Variants in DNAH11 observed in about 807,000 individuals in gnomAD.
DNAH11 encodes axonemal beta dynein heavy chain 11.
Under a neutral mutation model 526.0 loss-of-function variants are expected in DNAH11, and 442 were observed. The ratio of observed to expected loss-of-function variants is 0.84; its 90% CI spans 0.78 to 0.91. The LOEUF (loss-of-function observed/expected upper bound fraction) is 0.91. Among genes scored for constraint, DNAH11 ranks in the 40% least tolerant of loss-of-function variants. The probability of loss-of-function intolerance (pLI) is 0.00; values close to 1 mark genes in which losing one functional copy is unlikely to be tolerated. For missense variants in DNAH11, 6,989 were observed against 5,448.7 expected, an observed-to-expected ratio of 1.28 and a Z score of -8.90; for synonymous variants, 2,461 against 1,935.9, an observed-to-expected ratio of 1.27 and a Z score of -7.12.
intron 30 of DNAH11, among the ~76,000 whole-genome samples, chr7:21,676,932 A>C (rs1782915451): frequency 6.6e-6 from 1 of 152,166 alleles, no homozygotes; most frequent in Non-Finnish European, 1.5e-5. Flanking sequence ...ATTGTACATT[A>C]ATTCATCTGT....
At chr7:21,876,558 G>C (rs1000985016) in intron 74 of DNAH11, among the ~76,000 whole-genome samples, 1 of 152,182 alleles carries the variant, frequency 6.6e-6, no homozygotes, top group African/African-American at 2.4e-5. Context: ...GCTTATACAA[G>C]GTCAAAAAGT....
intron 76 of DNAH11, among the ~76,000 whole-genome samples, chr7:21,889,402 T>G (rs920888856): frequency 1.4e-4 from 21 of 152,214 alleles, no homozygotes; most frequent in African/African-American, 5.1e-4. Flanking sequence ...TTCTTTCGGA[T>G]ATGTACCTTG....
rs1018931263 is a variant in DNAH11 at position 21,873,265 on chromosome 7, A to G, written c.11968-9A>G. 6 of 1,569,020 alleles carry G rather than the reference A, an allele frequency of 3.8e-6. No individual in the cohort carries two copies. Among genetic ancestry groups the G allele is most frequent in the Admixed American group, 1.9e-5 (1 of 53,210 alleles). ...CTTCACAGGAATTATGCACCATGCT[A>G]TCTTTCAGAATGTTCATTTGGTAGC... On this transcript the variant is annotated splice_polypyrimidine_tract_variant and intron_variant, in intron 73 of 81. Transcript: ENST00000409508.
In DNAH11 at chr7:21,720,801, T is replaced by G. The variant is rs771033325; in HGVS notation, c.7211T>G (p.Val2404Gly). 1.9e-6 allele frequency: 3 copies of G among 1,611,998 alleles called. No individual in the cohort carries two copies. Among genetic ancestry groups the G allele is most frequent in the Admixed American group, 3.3e-5 (2 of 59,744 alleles). The change falls in exon 44 of 82, where the codon GTC becomes GGC. Residue 2404 changes from valine to glycine, a missense_variant. Val to Gly is a moderately radical substitution (Grantham distance 109, BLOSUM62 -3). Coordinates refer to ENST00000409508, the MANE Select transcript of DNAH11 (RefSeq NM_001277115.2). Reference sequence around the variant, plus strand: ...GACAGCCCAAAAGAAGTTTATGAAGTCTATTTTGTATTTGCTTGTATCTGG... The same window carrying G: ...GACAGCCCAAAAGAAGTTTATGAAGGCTATTTTGTATTTGCTTGTATCTGG... ...PSDSPKEVYE[V>G]YFVFACIWAF...
intron 65 of DNAH11, among the ~76,000 whole-genome samples, chr7:21,818,907 C>G (rs531691946): frequency 1.5e-4 from 23 of 152,220 alleles, no homozygotes; most frequent in African/African-American, 4.6e-4. Flanking sequence ...CCTCCAGGAG[C>G]TATATGTGAC....
chr7:21,882,864 A>G (rs1783973433), intron 75 of DNAH11, among the ~76,000 whole-genome samples: 1 of 152,228 alleles, frequency 6.6e-6, no homozygotes, highest in Non-Finnish European at 1.5e-5. Flanking sequence ...AATTATTTAA[A>G]TAATTATTGA....
chr7:21,597,133 G>GA lies in DNAH11; in HGVS notation c.2668-2654_2668-2653insA, dbSNP rs1784890865. 2.6e-5 allele frequency among the ~76,000 whole-genome samples: 4 copies of GA among 151,836 alleles called. No homozygotes were observed. The South Asian group carries it at 6.2e-4, about 24-fold the overall frequency. ...GAGGAGCAGGACCATGGAATATTGG[G>GA]CCTGAGTGATCATTCAGTTATCTAA... is the stretch of plus-strand genomic sequence containing the variant. On this transcript the variant is annotated intron_variant, in intron 14 of 81. Coordinates refer to ENST00000409508, the MANE Select transcript of DNAH11 (RefSeq NM_001277115.2).
intron 40 of DNAH11, among the ~76,000 whole-genome samples, chr7:21,708,040 A>G (rs1784336703): frequency 6.6e-6 from 1 of 152,196 alleles, no homozygotes; most frequent in Non-Finnish European, 1.5e-5. Flanking sequence ...GCAGATTTGT[A>G]CTCAGAGCTG....
intron 6 of DNAH11, among the ~76,000 whole-genome samples, chr7:21,564,912 T>A (rs553203470): frequency 1.1e-4 from 16 of 152,012 alleles, no homozygotes; most frequent in African/African-American, 3.1e-4. Flanking sequence ...AAAAAAAAAA[T>A]TTAAAAAAAG....
At chr7:21,608,637 T>C (rs954993076) in intron 20 of DNAH11, among the ~76,000 whole-genome samples, 10 of 152,244 alleles carry the variant, frequency 6.6e-5, no homozygotes, top group Non-Finnish European at 1.2e-4. Context: ...GGTTAGAGTA[T>C]GCTAATATAC....
chr7:21,798,442 A>G (rs538093172), intron 61 of DNAH11, among the ~76,000 whole-genome samples: 51 of 152,332 alleles, frequency 3.3e-4, no homozygotes, highest in South Asian at 1.5e-3. Flanking sequence ...TTAACTATAC[A>G]GTATACCATG....
chr7:21,745,518 A>T (rs79218252), intron 51 of DNAH11, among the ~76,000 whole-genome samples: 1 of 152,198 alleles, frequency 6.6e-6, no homozygotes, highest in African/African-American at 2.4e-5. Context: ...ATGGCTGACA[A>T]GGTTCTCGCT....
intron 5 of DNAH11, 42 bp downstream of exon 5, chr7:21,561,212 T>G: frequency 7.0e-7 from 1 of 1,419,596 alleles, no homozygotes; most frequent in Non-Finnish European, 9.8e-7. Context: ...TATCACCATC[T>G]GCTCATGATC....
At chr7:21,790,724 G>A (rs76286547) in intron 61 of DNAH11, among the ~76,000 whole-genome samples, 6 of 152,022 alleles carry the variant, frequency 3.9e-5, no homozygotes, top group Admixed American at 6.5e-5. Context: ...AAGGAAAAGA[G>A]GGAAGGAGCA....
At chr7:21,643,445 A>G (rs903748354) in intron 28 of DNAH11, among the ~76,000 whole-genome samples, 1 of 152,190 alleles carries the variant, frequency 6.6e-6, no homozygotes, top group Non-Finnish European at 1.5e-5. Context: ...TTAGGTTTGG[A>G]GAAGCTAATC....
At chr7:21,614,674 T>C (rs1785683187) in intron 20 of DNAH11, among the ~76,000 whole-genome samples, 1 of 152,254 alleles carries the variant, frequency 6.6e-6, no homozygotes, top group Admixed American at 6.5e-5. Context: ...GTGCATTTGA[T>C]ATTATTGATA....
At chr7:21,706,477 AT>A (rs1321177711) in intron 39 of DNAH11, among the ~76,000 whole-genome samples, 1 of 152,132 alleles carries the variant, frequency 6.6e-6, no homozygotes, top group African/African-American at 2.4e-5. Flanking sequence ...CTGTATAGAC[AT>A]TTTTCTAGTG....
At chr7:21,612,576 AGAG>A (rs1785577425) in intron 20 of DNAH11, among the ~76,000 whole-genome samples, 2 of 148,424 alleles carry the variant, frequency 1.3e-5, no homozygotes, top group African/African-American at 4.9e-5. Context: ...AAAAAAAAAA[AGAG>A]ACTAAGAAGC....
rs370947090 is a variant in DNAH11 at position 21,547,247 on chromosome 7, G to A, written c.495+2098G>A. On this transcript the variant is annotated intron_variant, in intron 2 of 81. Transcript: ENST00000409508. ...TCCAGAGCATGTGGCTCAGAATTTC[G>A]TAGTGTTTTATCCACAGCTCATGAC... 6.6e-4 allele frequency among the ~76,000 whole-genome samples: 100 copies of A among 152,274 alleles called. 1 individual carries two copies. The South Asian group carries it at 9.7e-3, about 15-fold the overall frequency.
Sources: gnomAD v4.1 joint callset for allele counts (sites outside exome capture counted in the v4.1 genomes callset) on GRCh38, gnomAD v4.1.1 for gene constraint, MANE v1.5 for transcripts, NCBI Gene and HGNC (gene_info 2026-07-23, HGNC 2026-07-21) for gene names.